CDC42BPB: variants seen among roughly 807,000 people sequenced by gnomAD.
The protein encoded by CDC42BPB is CDC42 binding protein kinase beta, also known as serine/threonine-protein kinase MRCK beta.
In CDC42BPB, 37 loss-of-function variants were observed where a neutral mutation model predicts 214.9. That is an observed-to-expected ratio of 0.17 (90% CI 0.13 to 0.23). CDC42BPB has a LOEUF of 0.23. CDC42BPB is among the 10% of genes least tolerant of loss of function. The pLI is 1.00. For synonymous variants in CDC42BPB, 931 were observed against 884.0 expected (o/e 1.05, Z -0.94); for missense variants, 1,694 against 2,227.0 (o/e 0.76, Z 4.82).
At chr14:102,962,508 C>T (rs971594874) in intron 20 of CDC42BPB, among the ~76,000 whole-genome samples, 1 of 152,150 alleles carries the variant, frequency 6.6e-6, no homozygotes, top group Admixed American at 6.5e-5. Context: ...TCAGGGGATA[C>T]AAATGTGTGC....
Position 103,004,320 on chromosome 14 carries a change from A to T in CDC42BPB, c.352-297T>A. The T allele has an allele frequency of 2.3e-6, 1 of 439,488 alleles. No individual in the cohort carries two copies. The highest frequency in any genetic ancestry group is 3.4e-6 in the Non-Finnish European group (1 of 297,204). 27.2% of individuals were successfully genotyped at this position (439,488 alleles called of 1,614,324 possible). On this transcript the variant is annotated intron_variant, in intron 3 of 36. Coordinates refer to ENST00000361246, the MANE Select transcript of CDC42BPB (RefSeq NM_006035.4). The surrounding 1 kb of genome is among the most constrained non-coding windows in gnomAD (Gnocchi z 5.3). ...CACCCCACCCTTATGTGGATTCCTG[A>T]CTGGGCTCCTCCCACCTGGCACCTC...
chr14:102,981,879 G>T (rs145036885), intron 7 of CDC42BPB, among the ~76,000 whole-genome samples: 24 of 152,154 alleles, frequency 1.6e-4, no homozygotes, highest in African/African-American at 5.6e-4. Context: ...TATGTAACAT[G>T]ATGCCACGTA....
At chr14:102,978,357 A>C (rs140606668) in intron 8 of CDC42BPB, 152 bp from the exon 9 acceptor site, 1 of 1,475,152 alleles carries the variant, frequency 6.8e-7, no homozygotes, top group African/African-American at 1.4e-5. Context: ...TGCAGGGGAG[A>C]TGAGTATAGC....
At chr14:102,954,300 G>T in intron 22 of CDC42BPB, 25 bp from the exon 23 acceptor site, 1 of 1,497,100 alleles carries the variant, frequency 6.7e-7, no homozygotes, top group Non-Finnish European at 8.9e-7. Flanking sequence ...GGACAGGTGA[G>T]TGTCGGCCCA....
At chr14:102,971,107 G>A (rs1273657201) in intron 13 of CDC42BPB, among the ~76,000 whole-genome samples, 2 of 152,130 alleles carry the variant, frequency 1.3e-5, no homozygotes, top group Non-Finnish European at 2.9e-5. Flanking sequence ...ATCTGTGGGG[G>A]CCAGGATTTC....
At chr14:102,934,583 G>A (rs548808578) in intron 36 of CDC42BPB, among the ~76,000 whole-genome samples, 40 of 151,952 alleles carry the variant, frequency 2.6e-4, no homozygotes, top group African/African-American at 4.8e-4. Context: ...ACAGTGGTGC[G>A]CACCTGCAAC....
intron 1 of CDC42BPB, among the ~76,000 whole-genome samples, chr14:103,022,191 T>C (rs1217597033): frequency 2.0e-5 from 3 of 152,086 alleles, no homozygotes; most frequent in African/African-American, 7.2e-5. Flanking sequence ...AGGACTTCCA[T>C]CCTGGAAGGT....
intron 4 of CDC42BPB, among the ~76,000 whole-genome samples, chr14:103,002,437 A>G (rs1239290332): frequency 6.6e-6 from 1 of 152,254 alleles, no homozygotes; most frequent in East Asian, 1.9e-4. Flanking sequence ...TTCAGATGGC[A>G]GCACGCTATG....
chr14:102,954,038 T>TTC (rs1350023612), intron 23 of CDC42BPB, among the ~76,000 whole-genome samples, 160 bp downstream of exon 23: 3 of 152,210 alleles, frequency 2.0e-5, no homozygotes, highest in African/African-American at 7.2e-5. Flanking sequence ...TTACACACCA[T>TTC]TCTCAACAAC....
At chr14:103,016,968 G>A (rs1057059245) in intron 1 of CDC42BPB, among the ~76,000 whole-genome samples, 3 of 152,124 alleles carry the variant, frequency 2.0e-5, no homozygotes, top group South Asian at 2.1e-4. Flanking sequence ...TGCAGCAGCC[G>A]GTGCCCAGAA....
In CDC42BPB at chr14:102,945,655, C is replaced by T; in HGVS notation, c.3811+7G>A. On this transcript the variant is annotated splice_region_variant and intron_variant, in intron 29 of 36. Coordinates refer to ENST00000361246, the MANE Select transcript of CDC42BPB (RefSeq NM_006035.4). ...CATCCCAGGCTGGAAACGCCCTGCT[C>T]ACTCACCATCTCGGGTGACCTCTAT... 1 of 1,612,256 alleles carries T rather than the reference C, an allele frequency of 6.2e-7. No homozygotes were observed. Among genetic ancestry groups the T allele is most frequent in the Non-Finnish European group, 8.5e-7 (1 of 1,179,502 alleles).
intron 22 of CDC42BPB, 90 bp downstream of exon 22, chr14:102,954,512 G>A (rs1179130925): frequency 1.5e-5 from 21 of 1,407,500 alleles, no homozygotes; most frequent in Non-Finnish European, 2.0e-5. Context: ...GCTGCAAACT[G>A]TTATGCAGGG....
rs747908716 is a variant in CDC42BPB, at chr14:102,940,076, G to T, written c.4561C>A (p.Arg1521Ser). The change falls in exon 32 of 37, where the codon CGC becomes AGC. Residue 1521 changes from arginine to serine, a missense_variant. Physicochemically the swap from Arg to Ser is moderately radical, Grantham distance 110. This residue lies in a region of CDC42BPB where 567 missense variants were observed against 790.3 expected (regional missense o/e 0.72). Transcript: ENST00000361246. Reference sequence around the variant, plus strand: ...AACTTGCTCTTGAAGTAGATCAAGCGTGGAGGCTCGCAGTTGAGGAGGTTG... The same window carrying T: ...AACTTGCTCTTGAAGTAGATCAAGCTTGGAGGCTCGCAGTTGAGGAGGTTG... ...TLNLLNCEPP[R>S]LIYFKSKFSG... 2 of 1,613,928 alleles carry T rather than the reference G, an allele frequency of 1.2e-6. No homozygotes were observed. Among genetic ancestry groups the T allele is most frequent in the African/African-American group, 2.7e-5 (2 of 74,954 alleles).
chr14:102,946,840 G>C (rs1892202820), intron 27 of CDC42BPB, 156 bp from the exon 28 acceptor site: 1 of 985,476 alleles, frequency 1.0e-6, no homozygotes, highest in Non-Finnish European at 1.2e-6. Context: ...TGGGCGCCTT[G>C]CAGAGGCTCC....
intron 13 of CDC42BPB, 124 bp downstream of exon 13, chr14:102,971,791 AACTT>A: frequency 2.3e-6 from 2 of 876,486 alleles, no homozygotes; most frequent in East Asian, 2.4e-5. Flanking sequence ...TCGGCCGATC[AACTT>A]ACTTGGCTCC....
At chr14:102,991,854 T>A (rs1894507957) in intron 5 of CDC42BPB, among the ~76,000 whole-genome samples, 1 of 152,234 alleles carries the variant, frequency 6.6e-6, no homozygotes, top group Non-Finnish European at 1.5e-5. Flanking sequence ...TGATTCCATA[T>A]ATATAGTATT....
At chr14:103,012,661 C>T (rs551266942) in intron 1 of CDC42BPB, among the ~76,000 whole-genome samples, 5 of 152,038 alleles carry the variant, frequency 3.3e-5, no homozygotes, top group Non-Finnish European at 7.3e-5. Context: ...AAAAATTAGC[C>T]GGATGTTGTG....
At chr14:103,025,204 G>C (rs1468872738) in intron 1 of CDC42BPB, among the ~76,000 whole-genome samples, 1 of 152,032 alleles carries the variant, frequency 6.6e-6, no homozygotes, top group African/African-American at 2.4e-5. Context: ...CTTGAGAACT[G>C]GTAATTCAAG....
Position 102,938,322 on chromosome 14 carries a change from G to T in CDC42BPB, c.4917C>A (p.Ile1639=). The change falls in exon 35 of 37, where the codon ATC becomes ATA. Residue 1639 remains isoleucine, a synonymous_variant. Transcript: ENST00000361246. The part of the protein sequence containing the change: ...RQPPSRNKPY[I]SWPSSGGSEP... ...CCCCTGTACCTGATGAGGGCCACGA[G>T]ATGTAGGGCTTGTTCCTGGATGGAG... is the stretch of plus-strand genomic sequence containing the variant. The T allele has an allele frequency of 6.2e-7, 1 of 1,607,942 alleles. No homozygotes were observed. The highest frequency in any genetic ancestry group is 1.1e-5 in the South Asian group (1 of 89,898).
Sources: allele counts gnomAD v4.1 joint callset (sites outside exome capture counted in the v4.1 genomes callset), GRCh38; gene constraint gnomAD v4.1.1; regional missense constraint gnomAD v4.1.1; non-coding constraint Gnocchi (gnomAD v3.1); transcripts MANE v1.5; gene names NCBI Gene and HGNC (gene_info 2026-07-23, HGNC 2026-07-21).